NUP58: variants seen among roughly 807,000 people sequenced by gnomAD.
The protein encoded by NUP58 is nucleoporin 58.
In NUP58, 17 loss-of-function variants were observed where a neutral mutation model predicts 70.1. The ratio of observed to expected loss-of-function variants is 0.24; its 90% CI spans 0.17 to 0.36. The LOEUF (loss-of-function observed/expected upper bound fraction) is 0.36, where lower values mean the gene tolerates loss of function less well. Ranked by LOEUF, NUP58 falls within the 10% of genes least tolerant of loss-of-function variation. NUP58 has a pLI of 1.00. For missense variants in NUP58, 644 were observed against 701.5 expected (o/e 0.92, Z 0.93); for synonymous variants, 275 against 257.6 (o/e 1.07, Z -0.65).
At position 25,317,401 on chromosome 13, in the gene NUP58, A is replaced by G. The variant is rs185161304; in HGVS notation, c.686-1925A>G. ...GCCATATGGAAAATAGCATTCAGGA[A>G]GGCAAGAATTGTCATGGAGAACTGT... On this transcript the variant is annotated intron_variant, in intron 6 of 15. Transcript: ENST00000381736. Among the ~76,000 whole-genome samples the G allele has an allele frequency of 3.4e-3, 525 of 152,316 alleles. 2 individuals are homozygous for G. The highest frequency in any genetic ancestry group is 5.8e-3 in the Non-Finnish European group (395 of 68,028).
At chr13:25,337,089 C>A in intron 14 of NUP58, 55 bp downstream of exon 14, 3 of 1,212,300 alleles carry the variant, frequency 2.5e-6, no homozygotes, top group South Asian at 1.6e-5. Context: ...TGAATTGATA[C>A]TAGCCTGTAA....
chr13:25,345,777 G>A (rs2032042042), downstream of NUP58, among the ~76,000 whole-genome samples: 1 of 151,772 alleles, frequency 6.6e-6, no homozygotes. Context: ...CCTTTAAAAA[G>A]CTCAAGAGAA....
intron 1 of NUP58, among the ~76,000 whole-genome samples, chr13:25,305,129 G>GTTTTT (rs1566054875): frequency 1.4e-5 from 1 of 72,050 alleles, no homozygotes; most frequent in African/African-American, 4.5e-5. Context: ...AGATCTGTGG[G>GTTTTT]GTTTTTTTTT....
At chr13:25,324,331 A>G (rs2031306257) in intron 9 of NUP58, among the ~76,000 whole-genome samples, 1 of 152,236 alleles carries the variant, frequency 6.6e-6, no homozygotes, top group Non-Finnish European at 1.5e-5. Context: ...GTGAAATGAT[A>G]GGAATGTGGA....
chr13:25,331,307 C>T, intron 12 of NUP58, 50 bp from the exon 13 acceptor site: 1 of 1,519,654 alleles, frequency 6.6e-7, no homozygotes, highest in Non-Finnish European at 9.1e-7. Flanking sequence ...ACATATTAAC[C>T]ATAGTCAATG....
chr13:25,301,796 G>T lies in NUP58; in HGVS notation c.23G>T (p.Gly8Val). 1 of 1,613,434 alleles carries T rather than the reference G, an allele frequency of 6.2e-7. No homozygotes were observed. Among genetic ancestry groups the T allele is most frequent in the South Asian group, 1.1e-5 (1 of 91,000 alleles). ...GACATGTCCACAGGGTTCTCCTTCG[G>T]GTCCGGGACTCTGGGCTCCACCACC... MSTGFSFGSGTLGSTTVA... is the reference protein window; with the variant it reads MSTGFSFVSGTLGSTTVA... Residue 8 changes from glycine to valine, a missense_variant, in exon 1 of 16, where the codon GGG becomes GTG. By Grantham distance (109) the Gly-to-Val change is moderately radical. Coordinates refer to ENST00000381736, the MANE Select transcript of NUP58 (RefSeq NM_014089.4).
chr13:25,310,092 G>C, intron 3 of NUP58: 1 of 312,564 alleles, frequency 3.2e-6, no homozygotes, highest in Non-Finnish European at 6.5e-6. Flanking sequence ...GCCCAGGCTG[G>C]AGTGCAGTGG....
At chr13:25,312,175 A>G (rs1220930223) in intron 3 of NUP58, among the ~76,000 whole-genome samples, 4 of 152,142 alleles carry the variant, frequency 2.6e-5, no homozygotes, top group Non-Finnish European at 4.4e-5. Flanking sequence ...CTGAAAAGGA[A>G]TAGGGAGACA....
intron 6 of NUP58, among the ~76,000 whole-genome samples, chr13:25,318,578 C>T (rs746886010): frequency 6.6e-5 from 10 of 151,738 alleles, no homozygotes; most frequent in African/African-American, 1.9e-4. Flanking sequence ...AGAAAAATAC[C>T]GTAAGAAAAG....
At chr13:25,321,879 TG>T (rs1372620281) in intron 9 of NUP58, among the ~76,000 whole-genome samples, 1 of 152,134 alleles carries the variant, frequency 6.6e-6, no homozygotes, top group Admixed American at 6.5e-5. Context: ...ATTGCACCAT[TG>T]TACTCCAGCC....
At chr13:25,309,852 A>G (rs1351894048) in intron 3 of NUP58, 1 of 193,708 alleles carries the variant, frequency 5.2e-6, no homozygotes, top group Non-Finnish European at 1.1e-5. Context: ...ATTTTAAGTT[A>G]AAGGAAAGGA....
At chr13:25,315,335 A>T in intron 5 of NUP58, 22 bp from the exon 6 acceptor site, 1 of 1,536,022 alleles carries the variant, frequency 6.5e-7, no homozygotes, top group Non-Finnish European at 9.0e-7. Flanking sequence ...GATGGAATTT[A>T]TAAGTTATGT....
intron 1 of NUP58, chr13:25,302,909 G>A (rs766459041): frequency 1.1e-5 from 5 of 452,934 alleles, no homozygotes; most frequent in African/African-American, 6.0e-5. Flanking sequence ...TGCCATTTCT[G>A]TTTGTCTTTA....
intron 13 of NUP58, chr13:25,334,615 A>G (rs1269296203): frequency 1.0e-6 from 1 of 983,010 alleles, no homozygotes. Flanking sequence ...TAGGTTTTTT[A>G]AAGAAAAATT....
downstream of NUP58, among the ~76,000 whole-genome samples, chr13:25,345,635 T>C (rs2032040702): frequency 6.6e-6 from 1 of 152,044 alleles, no homozygotes; most frequent in African/African-American, 2.4e-5. Flanking sequence ...ATTTTGACTA[T>C]TTGAATTTTA....
chr13:25,316,712 G>A (rs1438134903), intron 6 of NUP58, among the ~76,000 whole-genome samples: 2 of 152,088 alleles, frequency 1.3e-5, no homozygotes, highest in African/African-American at 4.8e-5. Flanking sequence ...TTTATTTTAA[G>A]CATGAGAGTA....
At chr13:25,332,936 A>G (rs916417834) in intron 13 of NUP58, 1 of 985,280 alleles carries the variant, frequency 1.0e-6, no homozygotes, top group African/African-American at 1.7e-5. Context: ...GTACTAGTTT[A>G]CTTTTTAGAG....
chr13:25,325,091 A>G (rs1297952066), intron 10 of NUP58, 23 bp downstream of exon 10: 2 of 1,523,532 alleles, frequency 1.3e-6, no homozygotes, highest in African/African-American at 1.4e-5. Context: ...ATTTTTAAAA[A>G]CAAATGTTTC....
intron 13 of NUP58, chr13:25,332,824 T>G: frequency 1.0e-6 from 1 of 985,450 alleles, no homozygotes; most frequent in Non-Finnish European, 1.2e-6. Flanking sequence ...ATTATGGGAT[T>G]GATTCCTTTG....
Sources: allele counts gnomAD v4.1 joint callset (sites outside exome capture counted in the v4.1 genomes callset), GRCh38; gene constraint gnomAD v4.1.1; transcripts MANE v1.5; gene names NCBI Gene and HGNC (gene_info 2026-07-23, HGNC 2026-07-21).